Variants in PRKG1 observed in about 807,000 individuals in gnomAD.
PRKG1 encodes the protein protein kinase cGMP-dependent 1, also known as cGMP-dependent protein kinase 1.
In PRKG1, 35 loss-of-function variants were observed where a neutral mutation model predicts 88.1. That is an observed-to-expected ratio of 0.40 (90% CI 0.30 to 0.53). The LOEUF is 0.53. Among genes scored for constraint, PRKG1 ranks in the 20% least tolerant of loss-of-function variants. The probability of loss-of-function intolerance (pLI) is 0.59; values close to 1 mark genes in which losing one functional copy is unlikely to be tolerated. For synonymous variants in PRKG1, 303 were observed against 292.5 expected (o/e 1.04, Z -0.37); for missense variants, 540 against 839.8 (o/e 0.64, Z 4.41).
At chr10:52,202,530 A>G (rs555326906) in intron 9 of PRKG1, among the ~76,000 whole-genome samples, 1 of 152,270 alleles carries the variant, frequency 6.6e-6, no homozygotes, top group Non-Finnish European at 1.5e-5. Context: ...TGGTATCAGA[A>G]TGATGCTAGC....
chr10:52,080,920 T>A (rs1198869650), intron 7 of PRKG1, among the ~76,000 whole-genome samples: 1 of 152,154 alleles, frequency 6.6e-6, no homozygotes, highest in African/African-American at 2.4e-5. Flanking sequence ...TTCCCTGGCC[T>A]CAATTAGAAC....
chr10:51,882,735 T>C (rs965111778), intron 4 of PRKG1, among the ~76,000 whole-genome samples: 1 of 152,216 alleles, frequency 6.6e-6, no homozygotes, highest in African/African-American at 2.4e-5. Context: ...ATTCCATCTC[T>C]ACTTAAGATG....
rs138757522 is a variant in PRKG1, at chr10:52,228,480, T to C, written c.1077-23090T>C. ...TTCCATTCATCCCCACTGGGTAAAC[T>C]GATGAAATTTAGCCTGGGAATGAGA... On this transcript the variant is annotated intron_variant, in intron 9 of 17. Transcript: ENST00000373980. 4.2e-3 allele frequency among the ~76,000 whole-genome samples: 643 copies of C among 152,230 alleles called. 4 individuals are homozygous for C. The highest frequency in any genetic ancestry group is 0.015 in the African/African-American group (611 of 41,536).
chr10:52,257,795 T>G lies in PRKG1; in HGVS notation c.1173+6129T>G, dbSNP rs1417448891. 1.4e-5 allele frequency among the ~76,000 whole-genome samples: 2 copies of G among 139,686 alleles called. 1 individual carries two copies. The highest frequency in any genetic ancestry group is 3.2e-5 in the Non-Finnish European group (2 of 61,808). The allele number at this position is 139,686 out of a possible 152,430, so 91.6% of individuals were successfully genotyped here. ...TTAACTCTAATAAATAGCACTCATT[T>G]CTCAGAAAATAAGTTCTTCAGAGAA... On this transcript the variant is annotated intron_variant, in intron 10 of 17. Coordinates refer to ENST00000373980, the MANE Select transcript of PRKG1 (RefSeq NM_006258.4).
chr10:52,123,294 A>T (rs1489076537), intron 7 of PRKG1, among the ~76,000 whole-genome samples: 1 of 152,210 alleles, frequency 6.6e-6, no homozygotes, highest in Non-Finnish European at 1.5e-5. Context: ...TCAGGAAGTG[A>T]ATTCATATAA....
chr10:51,323,311 A>C (rs1180200492), intron 2 of PRKG1, among the ~76,000 whole-genome samples: 1 of 152,238 alleles, frequency 6.6e-6, no homozygotes, highest in Non-Finnish European at 1.5e-5. Flanking sequence ...AGATTACAAA[A>C]ATCAAGGCAA....
intron 5 of PRKG1, among the ~76,000 whole-genome samples, chr10:51,984,496 A>G (rs1844098558): frequency 1.3e-5 from 2 of 152,230 alleles, no homozygotes; most frequent in Admixed American, 6.5e-5. Context: ...AGTATGCACA[A>G]TTGTAAGTAG....
At chr10:51,155,216 T>C (rs1018654719) in intron 2 of PRKG1, among the ~76,000 whole-genome samples, 9 of 152,046 alleles carry the variant, frequency 5.9e-5, no homozygotes, top group African/African-American at 2.2e-4. Context: ...CAAACAACCA[T>C]GGACATTATT....
At chr10:52,191,328 T>A (rs1397075656) in intron 9 of PRKG1, among the ~76,000 whole-genome samples, 1 of 139,072 alleles carries the variant, frequency 7.2e-6, no homozygotes, top group Non-Finnish European at 1.5e-5. Context: ...ATGCTCCAGC[T>A]ATTTTTTTTT....
chr10:51,139,184 T>A (rs1845767613), intron 1 of PRKG1, among the ~76,000 whole-genome samples: 4 of 152,236 alleles, frequency 2.6e-5, no homozygotes, highest in Admixed American at 2.6e-4. Context: ...GTGATACCCT[T>A]ATGCTTAAAG....
At chr10:51,114,970 G>A (rs1845076497) in intron 1 of PRKG1, among the ~76,000 whole-genome samples, 1 of 152,094 alleles carries the variant, frequency 6.6e-6, no homozygotes, top group Admixed American at 6.6e-5. Flanking sequence ...GAGTATTTAT[G>A]TGCAATATCT....
At chr10:51,220,930 G>A (rs1212093930) in intron 2 of PRKG1, among the ~76,000 whole-genome samples, 1 of 151,990 alleles carries the variant, frequency 6.6e-6, no homozygotes, top group Non-Finnish European at 1.5e-5. Flanking sequence ...ATTTTTCTGT[G>A]TTGGGATTGT....
rs368286950 is a variant in PRKG1 at position 51,153,302 on chromosome 10, C to T, written c.450C>T (p.Asp150=). Residue 150 remains aspartate (D), a synonymous_variant, in exon 2 of 18, where the codon GAC becomes GAT. Transcript: ENST00000373980. The stretch of plus-strand genomic sequence containing the variant: ...ACAGTTGCATCATCAAAGAAGGAGA[C>T]GTGGGGTCACTGGTGTATGTCATGG... ...GKDSCIIKEG[D]VGSLVYVMED... 72 of 1,611,382 alleles carry T rather than the reference C, an allele frequency of 4.5e-5. 1 individual carries two copies. Among genetic ancestry groups the T allele is most frequent in the Middle Eastern group, 1.7e-4 (1 of 6,044 alleles).
chr10:52,069,669 G>A (rs1846446633), intron 7 of PRKG1, among the ~76,000 whole-genome samples: 1 of 152,056 alleles, frequency 6.6e-6, no homozygotes. Context: ...AACTATTCAA[G>A]CTGCTTTTGT....
chr10:51,733,649 C>G (rs1457054661), intron 3 of PRKG1, among the ~76,000 whole-genome samples: 1 of 152,076 alleles, frequency 6.6e-6, no homozygotes, highest in Non-Finnish European at 1.5e-5. Context: ...ATTCCAATAA[C>G]AGGCTTAAGT....
chr10:51,553,917 ATATAATATATGTATGTATTAGATACG>A, intron 3 of PRKG1, among the ~76,000 whole-genome samples: 1 of 133,582 alleles, frequency 7.5e-6, no homozygotes, highest in Non-Finnish European at 1.6e-5. Flanking sequence ...AGATACGTGT[ATATAATATATGTATGTATTAGATACG>A]TGTATATAAT....
intron 3 of PRKG1, among the ~76,000 whole-genome samples, chr10:51,569,474 A>G (rs557554730): frequency 2.0e-5 from 3 of 152,072 alleles, no homozygotes; most frequent in Non-Finnish European, 4.4e-5. Flanking sequence ...GAACTATAAT[A>G]TTATAGTAGT....
At chr10:51,495,540 G>C (rs539524815) in intron 3 of PRKG1, among the ~76,000 whole-genome samples, 33 of 152,242 alleles carry the variant, frequency 2.2e-4, no homozygotes, top group Admixed American at 2.0e-3. Flanking sequence ...CTATCACCTG[G>C]TTTATGAAAA....
intron 1 of PRKG1, among the ~76,000 whole-genome samples, chr10:51,052,857 A>T (rs1202952963): frequency 6.6e-6 from 1 of 152,216 alleles, no homozygotes; most frequent in African/African-American, 2.4e-5. Context: ...AAAGGGTCTT[A>T]TAAAGGCCAT....
Sources: allele counts gnomAD v4.1 joint callset (sites outside exome capture counted in the v4.1 genomes callset), GRCh38; gene constraint gnomAD v4.1.1; transcripts MANE v1.5; gene names NCBI Gene and HGNC (gene_info 2026-07-23, HGNC 2026-07-21).